MVP: variants seen among roughly 807,000 people sequenced by gnomAD.
MVP encodes lung resistance-related protein.
MVP carries 62 observed loss-of-function variants against 83.5 expected under a neutral mutation model. That is an observed-to-expected ratio of 0.74 (90% confidence interval 0.61 to 0.92). The LOEUF (loss-of-function observed/expected upper bound fraction) is 0.92, where lower values mean the gene tolerates loss of function less well. Among genes scored for constraint, MVP ranks in the 40% least tolerant of loss-of-function variants. The pLI is 0.00. For missense variants in MVP, 1,000 were observed against 1,203.4 expected, an observed-to-expected ratio of 0.83 and a Z score of 2.50; for synonymous variants, 505 against 504.1, an observed-to-expected ratio of 1.00 and a Z score of -0.02.
chr16:29,841,754 G>A lies in MVP; in HGVS notation c.1350G>A (p.Ala450=), dbSNP rs756859817. The change falls in exon 9 of 15, where the codon GCG becomes GCA. Residue 450 remains alanine, a synonymous_variant. Coordinates refer to ENST00000357402, the MANE Select transcript of MVP (RefSeq NM_005115.5). The surrounding 1 kb of genome is among the most constrained non-coding windows in gnomAD (Gnocchi z 4.7). The part of the protein sequence containing the change: ...KDTAKSLQPL[A]PRNKTRVVSY... The stretch of plus-strand genomic sequence containing the variant: ...CAGCTAAGAGCCTCCAGCCCTTGGC[G>A]CCCCGGAACAAGACCCGTGTGGTCA... 9.3e-6 allele frequency: 15 copies of A among 1,613,286 alleles called. No individual in the cohort carries two copies. In the Admixed American group the frequency reaches 1.3e-4, roughly 14 times the overall value.
intron 3 of MVP, chr16:29,831,498 G>A: frequency 2.3e-6 from 1 of 429,982 alleles, no homozygotes; most frequent in Non-Finnish European, 4.7e-6. Context: ...AGTGGGAGGG[G>A]TGGGGAGAGA....
At chr16:29,822,321 TAA>T (rs58807414) in intron 1 of MVP, among the ~76,000 whole-genome samples, 12 of 143,456 alleles carry the variant, frequency 8.4e-5, no homozygotes, top group African/African-American at 1.3e-4. Context: ...TGTGCTGCTT[TAA>T]AAAAAAAAAA....
chr16:29,844,394 T>G, intron 10 of MVP, 99 bp from the exon 11 acceptor site: 1 of 1,462,090 alleles, frequency 6.8e-7, no homozygotes, highest in East Asian at 2.4e-5. Context: ...AGCCCAGGAG[T>G]TCAAGACCAG....
Position 29,844,701 on chromosome 16 carries a change from G to T in MVP, c.1843G>T (p.Asp615Tyr). The T allele has an allele frequency of 6.2e-7, 1 of 1,613,920 alleles. No homozygotes were observed. Among genetic ancestry groups the T allele is most frequent in the Non-Finnish European group, 8.5e-7 (1 of 1,180,006 alleles). ...GFETSEAKGP[D>Y]GMALPRPRDQ... Reference sequence around the variant, plus strand: ...TGAGACCTCGGAAGCGAAGGGCCCCGATGGCATGGCCCTGCCCAGGCCCCG... The same window carrying T: ...TGAGACCTCGGAAGCGAAGGGCCCCTATGGCATGGCCCTGCCCAGGCCCCG... Residue 615 changes from aspartate (D) to tyrosine (Y), a missense_variant, in exon 11 of 15, where the codon GAT (aspartate) becomes TAT (tyrosine). By Grantham distance (160) the Asp-to-Tyr change is radical. Coordinates refer to ENST00000357402, the MANE Select transcript of MVP (RefSeq NM_005115.5).
intron 10 of MVP, among the ~76,000 whole-genome samples, chr16:29,843,534 G>GAGGAAGGGAGGAAGGGAGGAAGGGAGGA (rs2067552220): frequency 2.8e-5 from 1 of 35,120 alleles, no homozygotes; most frequent in East Asian, 6.3e-4. Context: ...GGGAGGAAGG[G>GAGGAAGGGAGGAAGGGAGGAAGGGAGGA]AGGAAGGGAG....
chr16:29,844,535 C>T lies in MVP; in HGVS notation c.1677C>T (p.Ala559=), dbSNP rs567308438. Residue 559 remains alanine (A), a synonymous_variant, in exon 11 of 15, where the codon GCC becomes GCT. Coordinates refer to ENST00000357402, the MANE Select transcript of MVP (RefSeq NM_005115.5). ...VNDRKDPQET[A]KLFSVPDFVG... The stretch of plus-strand genomic sequence containing the variant: ...ACCGGAAGGACCCCCAAGAGACGGC[C>T]AAGCTCTTTTCAGTGCCAGACTTTG... The T allele has an allele frequency of 6.3e-7, 1 of 1,575,472 alleles. No individual in the cohort carries two copies. Among genetic ancestry groups the T allele is most frequent in the East Asian group, 2.3e-5 (1 of 44,410 alleles).
At chr16:29,843,967 G>C (rs1341786158) in intron 10 of MVP, among the ~76,000 whole-genome samples, 1 of 152,008 alleles carries the variant, frequency 6.6e-6, no homozygotes, top group Non-Finnish European at 1.5e-5. Context: ...TGCCCTGATG[G>C]CGGCAGACAG....
intron 8 of MVP, among the ~76,000 whole-genome samples, chr16:29,840,717 G>T (rs1183500149): frequency 6.6e-6 from 1 of 152,094 alleles, no homozygotes; most frequent in African/African-American, 2.4e-5. Context: ...CGAGGCGGGC[G>T]GATCACCTGA....
At chr16:29,826,830 G>A (rs2067407856) in intron 1 of MVP, among the ~76,000 whole-genome samples, 1 of 151,598 alleles carries the variant, frequency 6.6e-6, no homozygotes, top group African/African-American at 2.4e-5. Context: ...GGGAGGCTGA[G>A]GCAGGAGAAT....
At position 29,847,681 on chromosome 16, in the gene MVP, A is replaced by G. The variant is rs1445143240; in HGVS notation, c.2455-81A>G. The G allele has an allele frequency of 1.2e-5, 17 of 1,404,624 alleles. No individual in the cohort carries two copies. In the East Asian group the frequency reaches 3.9e-4, roughly 32 times the overall value. 87.0% of individuals were successfully genotyped at this position (1,404,624 alleles called of 1,614,324 possible). On this transcript the variant is annotated intron_variant, in intron 14 of 14. Coordinates refer to ENST00000357402, the MANE Select transcript of MVP (RefSeq NM_005115.5). ...AGATGCAGGGGAGGTGACCCTTCAAACCAGCTGACTTAAGGAGGGTCACTC... is the reference window on the plus strand; with the variant it reads ...AGATGCAGGGGAGGTGACCCTTCAAGCCAGCTGACTTAAGGAGGGTCACTC...
chr16:29,839,533 A>C (rs2067515614), intron 7 of MVP, among the ~76,000 whole-genome samples: 1 of 152,074 alleles, frequency 6.6e-6, no homozygotes, highest in Admixed American at 6.6e-5. Flanking sequence ...CTATAATCCC[A>C]GCACTTTGGA....
intron 3 of MVP, among the ~76,000 whole-genome samples, chr16:29,832,258 A>T (rs2067449101): frequency 6.6e-6 from 1 of 151,172 alleles, no homozygotes; most frequent in Non-Finnish European, 1.5e-5. Flanking sequence ...ACCCTTAAGG[A>T]ATCCAAGTGA....
In MVP at chr16:29,833,818, A is replaced by C. The variant is rs556282001; in HGVS notation, c.407A>C (p.Lys136Thr). The C allele has an allele frequency of 9.9e-6, 16 of 1,614,092 alleles. No homozygotes were observed. In the Admixed American group the frequency reaches 2.7e-4, roughly 27 times the overall value. The change falls in exon 4 of 15, where the codon AAG (lysine) becomes ACG (threonine). Residue 136 changes from lysine to threonine, a missense_variant. By Grantham distance (78) the Lys-to-Thr change is moderately conservative. Coordinates refer to ENST00000357402, the MANE Select transcript of MVP (RefSeq NM_005115.5). Reference protein sequence around the residue: ...LLDFEDKDGDKVVAGDEWLFE... With the variant: ...LLDFEDKDGDTVVAGDEWLFE... ...GATTTTGAGGATAAAGATGGAGACA[A>C]GGTGGTGGCAGGAGATGAGTGGCTT...
intron 1 of MVP, among the ~76,000 whole-genome samples, chr16:29,825,628 G>A (rs560548500): frequency 1.6e-3 from 251 of 152,272 alleles, no homozygotes; most frequent in African/African-American, 3.7e-3. Context: ...GGCAGTTGCC[G>A]AGGGCTTGGC....
At position 29,822,258 on chromosome 16, in the gene MVP, C is replaced by T. The variant is rs540874262; in HGVS notation, c.-36+1748C>T. On this transcript the variant is annotated intron_variant, in intron 1 of 14. Coordinates refer to ENST00000357402, the MANE Select transcript of MVP (RefSeq NM_005115.5). Reference sequence around the variant, plus strand: ...TTGGCAGGAGTGGGAGGAGGGAGGACAAGTGGAAGTCTAGGCTGGCTGAGC... The same window carrying T: ...TTGGCAGGAGTGGGAGGAGGGAGGATAAGTGGAAGTCTAGGCTGGCTGAGC... Among the ~76,000 whole-genome samples, 7 of 150,094 alleles carry T rather than the reference C, an allele frequency of 4.7e-5. No homozygotes were observed. In the East Asian group the frequency reaches 9.7e-4, roughly 21 times the overall value.
intron 1 of MVP, among the ~76,000 whole-genome samples, chr16:29,828,689 G>T (rs1406890128): frequency 1.3e-5 from 2 of 152,162 alleles, no homozygotes; most frequent in Non-Finnish European, 2.9e-5. Context: ...CAAGTTAAAG[G>T]GTTTTTAAAC....
chr16:29,823,984 A>G (rs532277886), intron 1 of MVP, among the ~76,000 whole-genome samples: 2 of 152,098 alleles, frequency 1.3e-5, no homozygotes, highest in South Asian at 2.1e-4. Flanking sequence ...CACACCTGTT[A>G]TCCTAGCCCT....
Position 29,835,722 on chromosome 16 carries a change from C to T in MVP, c.596C>T (p.Thr199Ile). 6.2e-7 allele frequency: 1 copy of T among 1,613,772 alleles called. No homozygotes were observed. Among genetic ancestry groups the T allele is most frequent in the Non-Finnish European group, 8.5e-7 (1 of 1,179,940 alleles). ...GGCCCAGGGGAAGAATGGCTGGTCACCACAGTAGGGGCGTACCTCCCAGCG... is the reference window on the plus strand; with the variant it reads ...GGCCCAGGGGAAGAATGGCTGGTCATCACAGTAGGGGCGTACCTCCCAGCG... ...ERVTGEEWLVTTVGAYLPAVF... is the reference protein window; with the variant it reads ...ERVTGEEWLVITVGAYLPAVF... The change falls in exon 6 of 15, where the codon ACC becomes ATC. Residue 199 changes from threonine (T) to isoleucine (I), a missense_variant. Transcript: ENST00000357402.
intron 6 of MVP, 100 bp from the exon 7 acceptor site, chr16:29,836,622 G>C (rs2067489265): frequency 2.3e-6 from 2 of 869,192 alleles, no homozygotes; most frequent in Non-Finnish European, 3.5e-6. Context: ...AATTGTCTCT[G>C]AGATCTGGGA....
Sources: gnomAD v4.1 joint callset for allele counts (sites outside exome capture counted in the v4.1 genomes callset) on GRCh38, gnomAD v4.1.1 for gene constraint, Gnocchi (gnomAD v3.1) non-coding constraint, MANE v1.5 for transcripts, NCBI Gene and HGNC (gene_info 2026-07-23, HGNC 2026-07-21) for gene names.